Variants in RNF216 observed in about 807,000 individuals in gnomAD.
RNF216 encodes the protein ring finger protein 216.
A neutral mutation model predicts 110.8 loss-of-function variants in RNF216; 72 were observed. The observed-to-expected ratio is 0.65, with a 90% CI of 0.54 to 0.79. The LOEUF is 0.79. RNF216 is among the 30% of genes least tolerant of loss of function. The pLI is 0.00. For synonymous variants in RNF216, 495 were observed against 407.5 expected (o/e 1.21, Z -2.59); for missense variants, 1,342 against 1,141.2 (o/e 1.18, Z -2.54).
intron 14 of RNF216, among the ~76,000 whole-genome samples, chr7:5,641,793 G>A (rs1049704168): frequency 6.6e-6 from 1 of 152,072 alleles, no homozygotes. Flanking sequence ...CCAGAACTTT[G>A]AGAGGCCAAA....
intron 13 of RNF216, among the ~76,000 whole-genome samples, chr7:5,665,465 T>C (rs1584408081): frequency 6.6e-6 from 1 of 152,184 alleles, no homozygotes; most frequent in South Asian, 2.1e-4. Context: ...TGAAGTGTTA[T>C]TTCTGTGGAT....
chr7:5,711,266 A>G (rs376518117), intron 13 of RNF216, among the ~76,000 whole-genome samples: 38 of 152,356 alleles, frequency 2.5e-4, no homozygotes, highest in African/African-American at 8.9e-4. Flanking sequence ...CACGTAATAT[A>G]GTCAGTTCTC....
chr7:5,627,601 G>C (rs908938524), intron 15 of RNF216, among the ~76,000 whole-genome samples: 1 of 152,082 alleles, frequency 6.6e-6, no homozygotes, highest in African/African-American at 2.4e-5. Context: ...CAAAAAATTA[G>C]CTGAGCGTGG....
chr7:5,659,300 T>G (rs796570425), intron 13 of RNF216, among the ~76,000 whole-genome samples: 71 of 152,336 alleles, frequency 4.7e-4, no homozygotes, highest in African/African-American at 1.7e-3. Flanking sequence ...CATTTACGTT[T>G]TACTGAAAAA....
intron 13 of RNF216, among the ~76,000 whole-genome samples, chr7:5,658,422 C>T (rs1054012706): frequency 6.6e-5 from 10 of 151,924 alleles, no homozygotes; most frequent in Non-Finnish European, 4.4e-5. Context: ...TCTGGGAAGC[C>T]GATGTGGGCA....
chr7:5,693,402 C>T (rs1791451019), intron 13 of RNF216, among the ~76,000 whole-genome samples: 1 of 152,148 alleles, frequency 6.6e-6, no homozygotes, highest in South Asian at 2.1e-4. Flanking sequence ...CCGGTATGGA[C>T]CTCCACTGTA....
intron 15 of RNF216, among the ~76,000 whole-genome samples, chr7:5,639,907 C>T (rs904627211): frequency 5.3e-5 from 8 of 152,004 alleles, no homozygotes; most frequent in African/African-American, 1.9e-4. Flanking sequence ...CTACAGGCGC[C>T]TGCCACCACG....
In RNF216 at chr7:5,621,590, G is replaced by T. The variant is rs1786367091; in HGVS notation, c.*1270C>A. ...GAGGTGGCGGGCCACTCCGGAGACT[G>T]ATGCAGCCCCACCCCAATGGTTGTC... On this transcript the variant is annotated 3_prime_UTR_variant, in exon 17 of 17. Transcript: ENST00000389902. 1 of 152,276 alleles carries T rather than the reference G, an allele frequency of 6.6e-6. No individual in the cohort carries two copies. Among genetic ancestry groups the T allele is most frequent in the Admixed American group, 6.5e-5 (1 of 15,282 alleles). The allele number at this position is 152,276 out of a possible 1,614,324, so 9.4% of individuals were successfully genotyped here. A position where few individuals can be genotyped will look rare whatever the true frequency, so the allele number is the denominator to read the frequency against.
At position 5,711,753 on chromosome 7, in the gene RNF216, C is replaced by T. The variant is rs1792706375; in HGVS notation, c.2061+8G>A. On this transcript the variant is annotated splice_region_variant and intron_variant, in intron 13 of 16. Coordinates refer to ENST00000389902, the MANE Select transcript of RNF216 (RefSeq NM_207111.4). ...AATATACATCTAGAAAAAAATGTGC[C>T]TCCCTACCTTTCGGCAGTGAGGATT... 1.9e-6 allele frequency: 3 copies of T among 1,610,646 alleles called. No homozygotes were observed. The highest frequency in any genetic ancestry group is 1.7e-5 in the Admixed American group (1 of 59,556).
intron 15 of RNF216, among the ~76,000 whole-genome samples, chr7:5,637,273 C>A (rs1787452929): frequency 6.6e-6 from 1 of 152,268 alleles, no homozygotes; most frequent in South Asian, 2.1e-4. Flanking sequence ...TCCCGATCAC[C>A]CAGCAAAAGA....
At chr7:5,755,236 A>G (rs918244961) in intron 2 of RNF216, among the ~76,000 whole-genome samples, 5 of 52,502 alleles carry the variant, frequency 9.5e-5, no homozygotes, top group African/African-American at 3.5e-4. Flanking sequence ...GGAGGGAAGG[A>G]TGAAAGGAAG....
chr7:5,767,490 C>A (rs1190520246), intron 1 of RNF216, among the ~76,000 whole-genome samples: 1 of 152,132 alleles, frequency 6.6e-6, no homozygotes, highest in African/African-American at 2.4e-5. Flanking sequence ...TCACCCCCCA[C>A]CAAGTTGTTA....
intron 5 of RNF216, among the ~76,000 whole-genome samples, chr7:5,735,470 G>A (rs888148669): frequency 2.0e-5 from 3 of 152,086 alleles, no homozygotes; most frequent in African/African-American, 7.2e-5. Flanking sequence ...TATAGGCAAA[G>A]AGCAAAACTC....
chr7:5,668,310 G>A (rs967737167), intron 13 of RNF216, among the ~76,000 whole-genome samples: 1 of 149,578 alleles, frequency 6.7e-6, no homozygotes. Flanking sequence ...TGCAAGCTCC[G>A]CCTCCCAGGT....
chr7:5,695,235 G>A (rs779218485), intron 13 of RNF216, among the ~76,000 whole-genome samples: 187 of 152,300 alleles, frequency 1.2e-3, no homozygotes, highest in Non-Finnish European at 1.4e-3. Flanking sequence ...ACAACTGCAA[G>A]TCAAGAGTAC....
chr7:5,644,392 A>G (rs1198284212), intron 14 of RNF216, among the ~76,000 whole-genome samples: 1 of 152,136 alleles, frequency 6.6e-6, no homozygotes, highest in African/African-American at 2.4e-5. Flanking sequence ...GTGAAGCGGT[A>G]TCTTATTATA....
rs184812314 is a variant in RNF216 at position 5,620,262 on chromosome 7, G to C, written c.*2598C>G. ...AATATTTTGCTAAGTGCAAATACTA[G>C]ATTCCTCTCTCCAGTTTTAAGGCAA... On this transcript the variant is annotated 3_prime_UTR_variant, in exon 17 of 17. Coordinates refer to ENST00000389902, the MANE Select transcript of RNF216 (RefSeq NM_207111.4). 30 of 152,336 alleles carry C rather than the reference G, an allele frequency of 2.0e-4. No homozygotes were observed. The highest frequency in any genetic ancestry group is 7.0e-4 in the African/African-American group (29 of 41,576). The allele number at this position is 152,336 out of a possible 1,614,324, so 9.4% of individuals were successfully genotyped here.
At chr7:5,651,714 T>C (rs1250354558) in intron 14 of RNF216, among the ~76,000 whole-genome samples, 5 of 151,992 alleles carry the variant, frequency 3.3e-5, no homozygotes, top group Admixed American at 6.6e-5. Context: ...ACTGGCGCAA[T>C]CTTGGCTCAC....
chr7:5,704,139 G>T (rs976914529), intron 13 of RNF216, among the ~76,000 whole-genome samples: 1 of 152,140 alleles, frequency 6.6e-6, no homozygotes, highest in Non-Finnish European at 1.5e-5. Flanking sequence ...TTTCATCAAA[G>T]ATACAGTGTC....
Sources: gnomAD v4.1 joint callset for allele counts (sites outside exome capture counted in the v4.1 genomes callset) on GRCh38, gnomAD v4.1.1 for gene constraint, MANE v1.5 for transcripts, NCBI Gene and HGNC (gene_info 2026-07-23, HGNC 2026-07-21) for gene names.